CLTB: variants seen among roughly 807,000 people sequenced by gnomAD.
CLTB encodes clathrin light chain B.
Under a neutral mutation model 30.5 loss-of-function variants are expected in CLTB, and 10 were observed. The ratio of observed to expected loss-of-function variants is 0.33; its 90% confidence interval spans 0.20 to 0.56. CLTB has a LOEUF of 0.56. Among genes scored for constraint, CLTB ranks in the 20% least tolerant of loss-of-function variants. The probability of loss-of-function intolerance (pLI) is 0.91; values close to 1 mark genes in which losing one functional copy is unlikely to be tolerated. For synonymous variants in CLTB, 102 were observed against 120.3 expected (o/e 0.85, Z 1.00); for missense variants, 261 against 308.3 (o/e 0.85, Z 1.15).
intron 1 of CLTB, among the ~76,000 whole-genome samples, chr5:176,412,076 T>C (rs879396259): frequency 4.1e-5 from 6 of 147,882 alleles, no homozygotes; most frequent in Non-Finnish European, 8.9e-5. Context: ...CTCGGGAGGC[T>C]GAGGCAGGAG....
intron 2 of CLTB, among the ~76,000 whole-genome samples, chr5:176,398,971 T>A (rs1186720520): frequency 2.6e-5 from 4 of 151,792 alleles, no homozygotes; most frequent in African/African-American, 9.7e-5. Flanking sequence ...GCCTCCTGAG[T>A]AGCTGGGATT....
At chr5:176,411,299 G>A (rs1285819536) in intron 1 of CLTB, among the ~76,000 whole-genome samples, 1 of 152,154 alleles carries the variant, frequency 6.6e-6, no homozygotes, top group Non-Finnish European at 1.5e-5. Context: ...TGTAAAACAT[G>A]CACTTACCTG....
intron 2 of CLTB, among the ~76,000 whole-genome samples, chr5:176,404,311 C>T (rs562229301): frequency 1.1e-4 from 17 of 152,364 alleles, no homozygotes; most frequent in African/African-American, 2.4e-4. Context: ...TCCTCTGGGA[C>T]GCACCCCCAC....
intron 5 of CLTB, among the ~76,000 whole-genome samples, chr5:176,395,685 C>A (rs148153207): frequency 1.2e-4 from 18 of 152,120 alleles, no homozygotes; most frequent in Non-Finnish European, 2.6e-4. Flanking sequence ...GACCCCAAAC[C>A]TGAAACATGT....
intron 2 of CLTB, chr5:176,401,640 G>T: frequency 2.3e-6 from 1 of 439,342 alleles, no homozygotes; most frequent in Non-Finnish European, 4.6e-6. Flanking sequence ...TATCAGAAAG[G>T]GCAGTGGGGG....
intron 5 of CLTB, among the ~76,000 whole-genome samples, chr5:176,394,630 C>T (rs113661709): frequency 0.022 from 3,224 of 147,834 alleles, 59 homozygotes; most frequent in African/African-American, 0.051. Context: ...CTGGCTAACA[C>T]GGTGAAACCC....
At chr5:176,394,220 A>G (rs992895901) in intron 5 of CLTB, among the ~76,000 whole-genome samples, 3 of 152,238 alleles carry the variant, frequency 2.0e-5, no homozygotes, top group Admixed American at 6.5e-5. Flanking sequence ...TTCAGGGTCC[A>G]GAGGCTCCCC....
chr5:176,397,323 TAGCCCCTCTCATGTCCCCAC>T (rs1561792320), intron 4 of CLTB, among the ~76,000 whole-genome samples: 18 of 116,320 alleles, frequency 1.5e-4, no homozygotes, highest in Non-Finnish European at 1.8e-4. Flanking sequence ...CATGTCCCCA[TAGCCCCTCTCATGTCCCCAC>T]AGCCCCTCTC....
At chr5:176,413,757 C>A (rs1360431599) in intron 1 of CLTB, among the ~76,000 whole-genome samples, 1 of 152,230 alleles carries the variant, frequency 6.6e-6, no homozygotes, top group Non-Finnish European at 1.5e-5. Context: ...CTGAGAAGGT[C>A]AGATCAATTC....
intron 5 of CLTB, among the ~76,000 whole-genome samples, chr5:176,395,623 G>A (rs954114935): frequency 7.2e-5 from 11 of 152,140 alleles, no homozygotes; most frequent in Admixed American, 2.0e-4. Flanking sequence ...ACGTCGGCAC[G>A]AGATATAACC....
chr5:176,403,712 A>T (rs939149907), intron 2 of CLTB, among the ~76,000 whole-genome samples: 1 of 150,090 alleles, frequency 6.7e-6, no homozygotes, highest in Non-Finnish European at 1.5e-5. Context: ...TCAGCCTCCC[A>T]AAGTGCTGGG....
intron 4 of CLTB, 112 bp downstream of exon 4, chr5:176,397,495 G>A (rs1756591458): frequency 3.0e-6 from 1 of 335,380 alleles, no homozygotes; most frequent in Non-Finnish European, 4.5e-6. Flanking sequence ...GCTCCCTCAT[G>A]TCCCCACCCC....
chr5:176,410,251 G>T lies in CLTB; in HGVS notation c.234+6C>A, dbSNP rs1466357889. On this transcript the variant is annotated splice_donor_region_variant and intron_variant, in intron 2 of 5. Transcript: ENST00000310418. ...CTTACCACTGCTGAGACAGAGCCTTGCTTACCTGAAACACATCTCCATTGA... is the reference window on the plus strand; with the variant it reads ...CTTACCACTGCTGAGACAGAGCCTTTCTTACCTGAAACACATCTCCATTGA... 4 of 1,613,658 alleles carry T rather than the reference G, an allele frequency of 2.5e-6. No individual in the cohort carries two copies. The highest frequency in any genetic ancestry group is 2.5e-6 in the Non-Finnish European group (3 of 1,179,620).
intron 2 of CLTB, chr5:176,406,593 C>T: frequency 7.8e-7 from 1 of 1,289,256 alleles, no homozygotes; most frequent in African/African-American, 1.5e-5. Flanking sequence ...TCCTGCAGGG[C>T]CCTTCTGTCC....
In CLTB at chr5:176,398,064, C is replaced by T; in HGVS notation, c.235-17G>A. On this transcript the variant is annotated splice_polypyrimidine_tract_variant and intron_variant, in intron 2 of 5. Transcript: ENST00000310418. Reference sequence around the variant, plus strand: ...GTTGGCCTCCTAGAACACAAACACGCAGCAGTCTATCCAGCCAGCACACCT... The same window carrying T: ...GTTGGCCTCCTAGAACACAAACACGTAGCAGTCTATCCAGCCAGCACACCT... 2 of 1,609,864 alleles carry T rather than the reference C, an allele frequency of 1.2e-6. No homozygotes were observed. Among genetic ancestry groups the T allele is most frequent in the Non-Finnish European group, 1.7e-6 (2 of 1,176,608 alleles).
intron 2 of CLTB, among the ~76,000 whole-genome samples, chr5:176,409,380 C>A (rs1450526784): frequency 6.9e-6 from 1 of 144,966 alleles, no homozygotes; most frequent in Non-Finnish European, 1.5e-5. Context: ...CATCTTTTCA[C>A]GTCAATACAG....
At chr5:176,413,228 G>T (rs1757536151) in intron 1 of CLTB, among the ~76,000 whole-genome samples, 1 of 152,150 alleles carries the variant, frequency 6.6e-6, no homozygotes, top group South Asian at 2.1e-4. Flanking sequence ...ACGTCCCAGG[G>T]ATAAACCCCT....
intron 2 of CLTB, among the ~76,000 whole-genome samples, chr5:176,403,440 T>G (rs367669588): frequency 1.8e-4 from 27 of 150,232 alleles, no homozygotes; most frequent in African/African-American, 6.6e-4. Flanking sequence ...TTTTGTTTTT[T>G]GGTGTTTTTT....
chr5:176,416,209 G>GCATGGCTGCCGGCAGGTGCCC lies in CLTB; in HGVS notation c.134_154dup (p.Gly45_His51dup). 1 of 1,593,090 alleles carries GCATGGCTGCCGGCAGGTGCCC rather than the reference G, an allele frequency of 6.3e-7. No individual in the cohort carries two copies. The highest frequency in any genetic ancestry group is 1.1e-5 in the South Asian group (1 of 89,174). On this transcript the variant is annotated inframe_insertion, in exon 1 of 6. Coordinates refer to ENST00000310418, the MANE Select transcript of CLTB (RefSeq NM_007097.5). ...CGTGGGGCCCGGCTGCGCGGGGGCC[G>GCATGGCTGCCGGCAGGTGCCC]CATGGCTGCCGGCAGGTGCCCCGAA... is the stretch of plus-strand genomic sequence containing the variant.
Sources: allele counts gnomAD v4.1 joint callset (sites outside exome capture counted in the v4.1 genomes callset), GRCh38; gene constraint gnomAD v4.1.1; transcripts MANE v1.5; gene names NCBI Gene and HGNC (gene_info 2026-07-23, HGNC 2026-07-21).